Variants in SAMMSON observed in about 807,000 individuals in gnomAD.
SAMMSON encodes the protein long intergenic non-protein coding RNA 1212.
chr3:70,394,276 T>C (rs1371159595), downstream of SAMMSON, among the ~76,000 whole-genome samples: 1 of 152,128 alleles, frequency 6.6e-6, no homozygotes, highest in Non-Finnish European at 1.5e-5. Context: ...CTTGGATGTG[T>C]GAAGAGTGGG....
intron 4 of SAMMSON, among the ~76,000 whole-genome samples, chr3:70,151,897 G>C (rs572023438): frequency 1.3e-5 from 2 of 151,210 alleles, no homozygotes; most frequent in African/African-American, 4.9e-5. Flanking sequence ...TTAAACATAA[G>C]TTTGTTTTTT....
intron 4 of SAMMSON, among the ~76,000 whole-genome samples, chr3:70,078,377 A>C (rs1334783786): frequency 6.6e-6 from 1 of 152,102 alleles, no homozygotes; most frequent in Non-Finnish European, 1.5e-5. Context: ...TGCCGTTTGA[A>C]AGGTAATATT....
intron 3 of SAMMSON, among the ~76,000 whole-genome samples, chr3:70,039,823 A>C (rs2067099938): frequency 6.6e-6 from 1 of 152,046 alleles, no homozygotes. Context: ...ATCTTGGTGG[A>C]GTGCCATTCT....
At chr3:70,267,376 C>G (rs891478514) in intron 6 of SAMMSON, among the ~76,000 whole-genome samples, 9 of 141,776 alleles carry the variant, frequency 6.3e-5, no homozygotes, top group Non-Finnish European at 1.1e-4. Flanking sequence ...CTCTCTTGTA[C>G]AGATTCTTTT....
intron 4 of SAMMSON, chr3:70,094,579 T>G (rs1267043567): frequency 1.3e-5 from 2 of 152,232 alleles, no homozygotes; most frequent in African/African-American, 4.8e-5. Flanking sequence ...TGTCCCTTCC[T>G]GCCACAGGGC....
intron 7 of SAMMSON, among the ~76,000 whole-genome samples, chr3:70,336,517 G>C (rs926190923): frequency 2.6e-5 from 4 of 151,942 alleles, no homozygotes; most frequent in Admixed American, 6.6e-5. Flanking sequence ...AGGTTTGTGG[G>C]AGAAATTTGT....
intron 3 of SAMMSON, among the ~76,000 whole-genome samples, chr3:70,021,639 C>G (rs181012226): frequency 9.9e-5 from 15 of 152,060 alleles, no homozygotes; most frequent in African/African-American, 3.1e-4. Context: ...TTCAGTGGAA[C>G]GGCTCAAAGA....
At chr3:70,357,717 TA>T (rs1020893449) in intron 8 of SAMMSON, among the ~76,000 whole-genome samples, 20 of 151,898 alleles carry the variant, frequency 1.3e-4, no homozygotes, top group Non-Finnish European at 2.6e-4. Flanking sequence ...AATAAAATTT[TA>T]AAAAAAGAAA....
intron 6 of SAMMSON, among the ~76,000 whole-genome samples, chr3:70,276,265 G>T (rs1476824638): frequency 1.3e-5 from 2 of 151,992 alleles, no homozygotes; most frequent in East Asian, 3.9e-4. Context: ...TATTTTAAAA[G>T]CATAAATATT....
intron 7 of SAMMSON, among the ~76,000 whole-genome samples, chr3:70,326,558 C>T (rs1028458399): frequency 3.9e-5 from 6 of 152,108 alleles, no homozygotes; most frequent in Non-Finnish European, 7.4e-5. Context: ...CCATAGCCCT[C>T]GGCATGAATT....
chr3:70,060,717 C>A, intron 3 of SAMMSON, among the ~76,000 whole-genome samples: 1 of 152,108 alleles, frequency 6.6e-6, no homozygotes, highest in East Asian at 1.9e-4. Flanking sequence ...ACAGTCCCCA[C>A]AGCAAAGAAT....
chr3:70,084,390 C>T lies in SAMMSON; in HGVS notation n.507+12825C>T, dbSNP rs144254587. Among the ~76,000 whole-genome samples, 611 of 152,248 alleles carry T rather than the reference C, an allele frequency of 4.0e-3. 4 individuals carry two copies. The highest frequency in any genetic ancestry group is 0.014 in the African/African-American group (582 of 41,532). ...AGCTAAGAAAATCTTTCATTAGGAGCGTCTAAATCATGCAGCCTGCTTCTA... is the reference window on the plus strand; with the variant it reads ...AGCTAAGAAAATCTTTCATTAGGAGTGTCTAAATCATGCAGCCTGCTTCTA... On this transcript the variant is annotated intron_variant and non_coding_transcript_variant, in intron 4 of 9. Coordinates refer to ENST00000642114, the Ensembl canonical transcript of SAMMSON.
At chr3:70,337,875 C>T (rs1302832208) in intron 7 of SAMMSON, among the ~76,000 whole-genome samples, 1 of 151,730 alleles carries the variant, frequency 6.6e-6, no homozygotes, top group East Asian at 1.9e-4. Context: ...TAGCTTTAAT[C>T]TTAAACATTT....
chr3:70,199,936 ATC>A (rs1485761988), intron 4 of SAMMSON, among the ~76,000 whole-genome samples: 1 of 151,984 alleles, frequency 6.6e-6, no homozygotes, highest in Non-Finnish European at 1.5e-5. Context: ...TGCATTTTGG[ATC>A]TCTCTCTCCC....
intron 4 of SAMMSON, among the ~76,000 whole-genome samples, chr3:70,202,124 G>A (rs1576153245): frequency 6.6e-6 from 1 of 152,032 alleles, no homozygotes; most frequent in Non-Finnish European, 1.5e-5. Flanking sequence ...AGTGACTAGT[G>A]GTCTATCTGA....
intron 3 of SAMMSON, among the ~76,000 whole-genome samples, chr3:70,051,398 A>G (rs13094258): frequency 0.056 from 8,161 of 146,828 alleles, 310 homozygotes; most frequent in South Asian, 0.13. Context: ...AATCATATAT[A>G]AATATTTATT....
Position 70,100,304 on chromosome 3 carries a change from A to T in SAMMSON, n.507+28739A>T, listed in dbSNP as rs148966921. On this transcript the variant is annotated intron_variant and non_coding_transcript_variant, in intron 4 of 9. Coordinates refer to ENST00000642114, the Ensembl canonical transcript of SAMMSON. ...TAGAACTACAGATACGAGCCATAAC[A>T]TCCGGCTAATTTTTGTATTTTTTTG... is the stretch of plus-strand genomic sequence containing the variant. 3.9e-5 allele frequency among the ~76,000 whole-genome samples: 6 copies of T among 152,056 alleles called. No individual in the cohort carries two copies. The East Asian group carries it at 1.2e-3, about 30-fold the overall frequency.
intron 4 of SAMMSON, among the ~76,000 whole-genome samples, chr3:70,119,129 T>C (rs568691642): frequency 6.6e-6 from 1 of 152,282 alleles, no homozygotes; most frequent in South Asian, 2.1e-4. Context: ...TGCCATGGCG[T>C]GATGTCGGCT....
intron 7 of SAMMSON, among the ~76,000 whole-genome samples, chr3:70,311,396 AT>A (rs1434434691): frequency 4.6e-5 from 7 of 152,160 alleles, no homozygotes; most frequent in Admixed American, 3.9e-4. Flanking sequence ...TCAAGCAACC[AT>A]TTTACGCATG....
Sources: allele counts gnomAD v4.1 joint callset (sites outside exome capture counted in the v4.1 genomes callset), GRCh38; gene constraint gnomAD v4.1.1; transcripts MANE v1.5; gene names NCBI Gene and HGNC (gene_info 2026-07-23, HGNC 2026-07-21).